The following CYP26B1 variants were observed in gnomAD, a reference collection of about 807,000 sequenced individuals.
CYP26B1 encodes cytochrome P450 26B1.
CYP26B1 carries 8 observed loss-of-function variants against 39.1 expected under a neutral mutation model. The observed-to-expected ratio is 0.20, with a 90% CI of 0.12 to 0.37. CYP26B1 has a LOEUF of 0.37. Among genes scored for constraint, CYP26B1 ranks in the 10% least tolerant of loss-of-function variants. The pLI is 1.00. For missense variants in CYP26B1, 615 were observed against 707.0 expected (o/e 0.87, Z 1.48); for synonymous variants, 321 against 314.3 (o/e 1.02, Z -0.23).
intron 2 of CYP26B1, among the ~76,000 whole-genome samples, chr2:72,138,475 G>A (rs1035988762): frequency 6.6e-6 from 1 of 152,212 alleles, no homozygotes; most frequent in African/African-American, 2.4e-5. Context: ...AAGGGTTCCT[G>A]GCCCGGAGCT....
chr2:72,132,155 C>A lies in CYP26B1; in HGVS notation c.*72G>T. On this transcript the variant is annotated 3_prime_UTR_variant, in exon 6 of 6. Coordinates refer to ENST00000001146, the MANE Select transcript of CYP26B1 (RefSeq NM_019885.4). ...CGCCCTCCCCGTTCCGGCCCCCTCC[C>A]ACACACAGGTTTCTACCTCCCACAA... 1 of 1,523,532 alleles carries A rather than the reference C, an allele frequency of 6.6e-7. No homozygotes were observed. Among genetic ancestry groups the A allele is most frequent in the East Asian group, 2.4e-5 (1 of 41,364 alleles). The allele number at this position is 1,523,532 out of a possible 1,614,324, so 94.4% of individuals were successfully genotyped here.
At chr2:72,138,050 T>C (rs900778822) in intron 2 of CYP26B1, among the ~76,000 whole-genome samples, 5 of 152,164 alleles carry the variant, frequency 3.3e-5, no homozygotes, top group African/African-American at 1.2e-4. Context: ...AGGCTGTCCG[T>C]GACGCTCCTC....
chr2:72,139,971 C>T (rs529449462), intron 2 of CYP26B1, among the ~76,000 whole-genome samples: 5 of 152,342 alleles, frequency 3.3e-5, no homozygotes, highest in African/African-American at 4.8e-5. Flanking sequence ...GGTGTGGTCC[C>T]GGCATGTCTC....
rs1419822447 is a variant in CYP26B1, at chr2:72,134,860, C to A, written c.762G>T (p.Lys254Asn). The A allele has an allele frequency of 1.2e-6, 2 of 1,614,086 alleles. No individual in the cohort carries two copies. The highest frequency in any genetic ancestry group is 8.5e-7 in the Non-Finnish European group (1 of 1,180,042). Reference protein sequence around the residue: ...QKGLEKAIREKLQCTQGKDYL... With the variant: ...QKGLEKAIRENLQCTQGKDYL... ...AGTCCTTGCCCTGTGTGCACTGCAGCTTCTCCCGGATGGCCTTCTCCAGCC... is the reference window on the plus strand; with the variant it reads ...AGTCCTTGCCCTGTGTGCACTGCAGATTCTCCCGGATGGCCTTCTCCAGCC... The change falls in exon 4 of 6, where the codon AAG becomes AAT. Residue 254 changes from lysine (K) to asparagine (N), a missense_variant. Coordinates refer to ENST00000001146, the MANE Select transcript of CYP26B1 (RefSeq NM_019885.4).
chr2:72,145,691 G>T (rs903649432), intron 1 of CYP26B1, among the ~76,000 whole-genome samples: 3 of 151,954 alleles, frequency 2.0e-5, no homozygotes, highest in East Asian at 3.9e-4. Flanking sequence ...TTCCGAGGTC[G>T]CCGCCGCCTC....
chr2:72,132,686 T>G, intron 5 of CYP26B1, 67 bp from the exon 6 acceptor site: 1 of 1,539,912 alleles, frequency 6.5e-7, no homozygotes, highest in South Asian at 1.2e-5. Flanking sequence ...GGCCCAGGAC[T>G]GCCCCCTCCC....
Position 72,132,314 on chromosome 2 carries a change from A to C in CYP26B1, c.1452T>G (p.Asp484Glu), listed in dbSNP as rs778297204. 75 of 1,609,098 alleles carry C rather than the reference A, an allele frequency of 4.7e-5. No homozygotes were observed. In the South Asian group the frequency reaches 7.7e-4, roughly 16 times the overall value. The change falls in exon 6 of 6, where the codon GAT becomes GAG. Residue 484 changes from aspartate (D) to glutamate (E), a missense_variant. Transcript: ENST00000001146. ...ITLVPVLHPV[D>E]GLSVKFFGLD... The stretch of plus-strand genomic sequence containing the variant: ...GGCCAAAGAACTTGACGCTGAGGCC[A>C]TCCACGGGGTGCAGGACGGGGACCA...
chr2:72,138,655 C>T (rs939314380), intron 2 of CYP26B1, among the ~76,000 whole-genome samples: 7 of 152,310 alleles, frequency 4.6e-5, no homozygotes, highest in African/African-American at 1.4e-4. Flanking sequence ...CTCCCCACCA[C>T]GGCTGGTGCC....
chr2:72,135,023 C>T, intron 3 of CYP26B1, 107 bp from the exon 4 acceptor site: 3 of 1,599,828 alleles, frequency 1.9e-6, no homozygotes, highest in Middle Eastern at 3.8e-4. Flanking sequence ...TGACACCTCT[C>T]CCCTTTGTCC....
intron 4 of CYP26B1, 106 bp from the exon 5 acceptor site, chr2:72,133,413 C>T: frequency 7.1e-7 from 1 of 1,410,798 alleles, no homozygotes; most frequent in Non-Finnish European, 9.7e-7. Flanking sequence ...GTGCTGGGCC[C>T]TGCCTGGTTC....
rs1315247334 is a variant in CYP26B1, at chr2:72,135,190, T to C, written c.659A>G (p.Asn220Ser). 1.2e-6 allele frequency: 2 copies of C among 1,614,032 alleles called. No homozygotes were observed. The highest frequency in any genetic ancestry group is 1.7e-6 in the Non-Finnish European group (2 of 1,180,012). ...CAGGTCGACAGGCAGGGAGAAGACA[T>C]TGTCCACAAACTGCTGGTAGACCTC... ...LFEVYQQFVD[N>S]VFSLPVDLPF... The change falls in exon 3 of 6, where the codon AAT becomes AGT. Residue 220 changes from asparagine (N) to serine (S), a missense_variant. Transcript: ENST00000001146.
Position 72,133,068 on chromosome 2 carries a change from G to T in CYP26B1, c.1101C>A (p.Pro367=). 6.2e-7 allele frequency: 1 copy of T among 1,613,306 alleles called. No homozygotes were observed. Among genetic ancestry groups the T allele is most frequent in the Non-Finnish European group, 8.5e-7 (1 of 1,179,998 alleles). Reference sequence around the variant, plus strand: ...GCACAGTGCGGTAGCCGCCGGAAATGGGCGTGAACAGGCGCATGACCTCCT... The same window carrying T: ...GCACAGTGCGGTAGCCGCCGGAAATTGGCGTGAACAGGCGCATGACCTCCT... ...VIKEVMRLFT[P]ISGGYRTVLQ... The change falls in exon 5 of 6, where the codon CCC becomes CCA. Residue 367 remains proline (P), a synonymous_variant. Transcript: ENST00000001146.
chr2:72,134,369 G>A (rs1011518152), intron 4 of CYP26B1, among the ~76,000 whole-genome samples: 1 of 151,804 alleles, frequency 6.6e-6, no homozygotes, highest in African/African-American at 2.4e-5. Flanking sequence ...AAAGGCTGGG[G>A]GTGGGGGAGG....
At chr2:72,137,789 T>G (rs760371855) in intron 2 of CYP26B1, among the ~76,000 whole-genome samples, 78 of 152,204 alleles carry the variant, frequency 5.1e-4, no homozygotes, top group African/African-American at 1.8e-3. Context: ...GGTCCACACC[T>G]GACCCCTGGG....
chr2:72,142,443 T>C (rs1374714094), intron 2 of CYP26B1, among the ~76,000 whole-genome samples: 1 of 152,178 alleles, frequency 6.6e-6, no homozygotes, highest in Non-Finnish European at 1.5e-5. Context: ...TGCAGTCCAG[T>C]GTTGCAGGCT....
At position 72,129,820 on chromosome 2, in the gene CYP26B1, G is replaced by A. The variant is rs574788497; in HGVS notation, c.*2407C>T. 6.7e-6 allele frequency: 1 copy of A among 149,434 alleles called. No homozygotes were observed. The highest frequency in any genetic ancestry group is 2.5e-5 in the African/African-American group (1 of 39,324). The allele number at this position is 149,434 out of a possible 1,614,324, so 9.3% of individuals were successfully genotyped here. A position where few individuals can be genotyped will look rare whatever the true frequency, so the allele number is the denominator to read the frequency against. ...AAGTAAGAAACATCACCCATCTAAT[G>A]CTAGCTGTATGAAACACACACGCAC... On this transcript the variant is annotated 3_prime_UTR_variant, in exon 6 of 6. Coordinates refer to ENST00000001146, the MANE Select transcript of CYP26B1 (RefSeq NM_019885.4).
At position 72,146,914 on chromosome 2, in the gene CYP26B1, C is replaced by A. The variant is rs13384950; in HGVS notation, c.204+717G>T. 2.3e-3 allele frequency among the ~76,000 whole-genome samples: 344 copies of A among 152,298 alleles called. 3 individuals are homozygous for A. Among genetic ancestry groups the A allele is most frequent in the African/African-American group, 6.0e-3 (251 of 41,558 alleles). ...GGTTGTGCGGCATCTAACAAGCACA[C>A]ACGCACTCTCTCTCTATGGATCCCA... On this transcript the variant is annotated intron_variant, in intron 1 of 5. Coordinates refer to ENST00000001146, the MANE Select transcript of CYP26B1 (RefSeq NM_019885.4).
chr2:72,145,929 G>A (rs1395247656), intron 1 of CYP26B1, among the ~76,000 whole-genome samples: 5 of 152,150 alleles, frequency 3.3e-5, no homozygotes, highest in Non-Finnish European at 7.4e-5. Context: ...AGGTCCCCCC[G>A]TAAAATCTGA....
chr2:72,137,175 C>G (rs546437611), intron 2 of CYP26B1, among the ~76,000 whole-genome samples: 87 of 152,168 alleles, frequency 5.7e-4, no homozygotes, highest in Non-Finnish European at 1.1e-3. Context: ...GTCCTCCTGC[C>G]TCTCACCCGG....
Sources: allele counts gnomAD v4.1 joint callset (sites outside exome capture counted in the v4.1 genomes callset), GRCh38; gene constraint gnomAD v4.1.1; transcripts MANE v1.5; gene names NCBI Gene and HGNC (gene_info 2026-07-23, HGNC 2026-07-21).